The following UGT1A9 variants were observed in gnomAD, a reference collection of about 807,000 sequenced individuals.
UGT1A9 encodes UDP glucuronosyltransferase family 1 member A9.
Under a neutral mutation model 45.0 loss-of-function variants are expected in UGT1A9, and 35 were observed. The observed-to-expected ratio is 0.78, with a 90% CI of 0.59 to 1.03. The LOEUF is 1.03. UGT1A9 is among the 50% of genes least tolerant of loss of function. The pLI is 0.00. For missense variants in UGT1A9, 687 were observed against 666.6 expected (o/e 1.03, Z -0.34); for synonymous variants, 278 against 250.6 (o/e 1.11, Z -1.03).
chr2:233,743,344 G>C, intron 1 of UGT1A9: 1 of 880,632 alleles, frequency 1.1e-6, no homozygotes, highest in South Asian at 1.4e-5. Context: ...AGTGGAAGTC[G>C]ACATGGACTT....
intron 1 of UGT1A9, among the ~76,000 whole-genome samples, chr2:233,707,990 C>A (rs1350319093): frequency 6.6e-6 from 1 of 152,182 alleles, no homozygotes; most frequent in Non-Finnish European, 1.5e-5. Flanking sequence ...GGGTTGTCTA[C>A]TCGAATTATG....
intron 1 of UGT1A9, among the ~76,000 whole-genome samples, chr2:233,687,757 T>C (rs1463334802): frequency 6.6e-6 from 1 of 151,926 alleles, no homozygotes; most frequent in Non-Finnish European, 1.5e-5. Flanking sequence ...GTTTTAAAAA[T>C]TAGCTGGGCC....
At chr2:233,678,506 C>A (rs892905431) in intron 1 of UGT1A9, among the ~76,000 whole-genome samples, 1 of 152,070 alleles carries the variant, frequency 6.6e-6, no homozygotes, top group Admixed American at 6.6e-5. Flanking sequence ...GGAAATACAT[C>A]ATAATTACTG....
At chr2:233,753,211 T>A (rs964244574) in intron 1 of UGT1A9, 3 of 152,210 alleles carry the variant, frequency 2.0e-5, no homozygotes, top group African/African-American at 4.8e-5. Flanking sequence ...CAGTCTGTCT[T>A]ATTTTGATAC....
chr2:233,765,405 A>G (rs568434598), intron 1 of UGT1A9, among the ~76,000 whole-genome samples: 1 of 152,328 alleles, frequency 6.6e-6, no homozygotes, highest in South Asian at 2.1e-4. Context: ...GTACATATAC[A>G]CCATGGAATA....
chr2:233,717,045 C>T (rs1187354283), intron 1 of UGT1A9, among the ~76,000 whole-genome samples: 1 of 152,150 alleles, frequency 6.6e-6, no homozygotes, highest in Non-Finnish European at 1.5e-5. Flanking sequence ...ACATGGGCCT[C>T]CGCAGGGTCT....
At chr2:233,763,882 A>G (rs1279865944) in intron 1 of UGT1A9, among the ~76,000 whole-genome samples, 1 of 152,208 alleles carries the variant, frequency 6.6e-6, no homozygotes, top group Non-Finnish European at 1.5e-5. Flanking sequence ...GGTCTGAGAA[A>G]AATAACTAAA....
rs542057655 is a variant in UGT1A9 at position 233,743,464 on chromosome 2, C to G, written c.856-23570C>G. The G allele has an allele frequency of 3.7e-5, 50 of 1,366,536 alleles. No individual in the cohort carries two copies. The South Asian group carries it at 5.6e-4, about 15-fold the overall frequency. The allele number at this position is 1,366,536 out of a possible 1,614,324, so 84.7% of individuals were successfully genotyped here. A position where few individuals can be genotyped will look rare whatever the true frequency, so the allele number is the denominator to read the frequency against. On this transcript the variant is annotated intron_variant, in intron 1 of 4. Coordinates refer to ENST00000354728, the MANE Select transcript of UGT1A9 (RefSeq NM_021027.3). ...TGTATCAAAAGAAGAAAAAACACCC[C>G]CAAAAGCTGGAAATTCACTGAAGGC...
intron 1 of UGT1A9, among the ~76,000 whole-genome samples, chr2:233,709,124 G>A (rs1026369673): frequency 6.6e-6 from 1 of 152,064 alleles, no homozygotes; most frequent in Admixed American, 6.5e-5. Flanking sequence ...TAATCATGGT[G>A]GCCAAGGGGA....
In UGT1A9 at chr2:233,714,646, G is replaced by T. The variant is rs2076402815; in HGVS notation, c.855+41857G>T. On this transcript the variant is annotated intron_variant, in intron 1 of 4. Transcript: ENST00000354728. ...AACCACTAAAATTAATGTGAATAAT[G>T]CATTTTATTTAACCAGATGTATCCC... 2.0e-5 allele frequency among the ~76,000 whole-genome samples: 3 copies of T among 152,178 alleles called. No individual in the cohort carries two copies. In the South Asian group the frequency reaches 6.2e-4, roughly 32 times the overall value.
chr2:233,725,057 C>T (rs1209231794), intron 1 of UGT1A9, among the ~76,000 whole-genome samples: 5 of 147,514 alleles, frequency 3.4e-5, no homozygotes, highest in East Asian at 4.2e-4. Flanking sequence ...CGTGGCGGCG[C>T]GCGCCTGCAA....
Position 233,680,786 on chromosome 2 carries a change from G to A in UGT1A9, c.855+7997G>A, listed in dbSNP as rs542991668. Among the ~76,000 whole-genome samples, 60 of 152,272 alleles carry A rather than the reference G, an allele frequency of 3.9e-4. 2 individuals are homozygous for A. The South Asian group carries it at 4.6e-3, about 12-fold the overall frequency. The stretch of plus-strand genomic sequence containing the variant: ...GAAGATGAGCACCAAAGTGATTGGG[G>A]TGGGCCCATAGCAAAGGCCTGCAGC... On this transcript the variant is annotated intron_variant, in intron 1 of 4. Coordinates refer to ENST00000354728, the MANE Select transcript of UGT1A9 (RefSeq NM_021027.3).
intron 1 of UGT1A9, among the ~76,000 whole-genome samples, chr2:233,718,559 T>C (rs2076663829): frequency 6.6e-6 from 1 of 152,220 alleles, no homozygotes; most frequent in South Asian, 2.1e-4. Flanking sequence ...AAAGAAGAGC[T>C]TGAACTTGGA....
Position 233,768,202 on chromosome 2 carries a change from C to A in UGT1A9, c.1076-18C>A. 6.2e-7 allele frequency: 1 copy of A among 1,614,156 alleles called. No individual in the cohort carries two copies. On this transcript the variant is annotated intron_variant, in intron 3 of 4. Transcript: ENST00000354728. ...TCAGAGATGTAACTGCTGACATCCT[C>A]CCTATTTTGCATCTCAGGTCACCCG...
At chr2:233,747,573 T>C (rs1169792054) in intron 1 of UGT1A9, 7 of 1,587,232 alleles carry the variant, frequency 4.4e-6, no homozygotes, top group African/African-American at 1.4e-5. Flanking sequence ...GAAAAATTCA[T>C]CTTTGGTCTT....
rs574132609 is a variant in UGT1A9, at chr2:233,741,478, G to A, written c.856-25556G>A. The A allele has an allele frequency of 8.6e-5, 13 of 151,780 alleles. 2 individuals carry two copies. Among genetic ancestry groups the A allele is most frequent in the African/African-American group, 2.4e-4 (10 of 41,054 alleles). The allele number at this position is 151,780 out of a possible 1,614,324, so 9.4% of individuals were successfully genotyped here. A position where few individuals can be genotyped will look rare whatever the true frequency, so the allele number is the denominator to read the frequency against. ...TATCTTCACACATGTAAGTTCCCTCGTCTGATGTACAAAAAACTGAACTCA... is the reference window on the plus strand; with the variant it reads ...TATCTTCACACATGTAAGTTCCCTCATCTGATGTACAAAAAACTGAACTCA... On this transcript the variant is annotated intron_variant, in intron 1 of 4. Transcript: ENST00000354728.
At chr2:233,721,654 G>T in intron 1 of UGT1A9, 1 of 220,052 alleles carries the variant, frequency 4.5e-6, no homozygotes, top group Non-Finnish European at 9.3e-6. Context: ...GCAGTGGGGG[G>T]TCATGTAAGG....
intron 1 of UGT1A9, among the ~76,000 whole-genome samples, chr2:233,745,069 T>C (rs1371401376): frequency 2.0e-5 from 3 of 151,904 alleles, no homozygotes; most frequent in African/African-American, 7.3e-5. Flanking sequence ...ATTATTTGTA[T>C]TGTTTTTTCA....
chr2:233,682,376 C>T (rs775782205), intron 1 of UGT1A9: 1 of 1,613,978 alleles, frequency 6.2e-7, no homozygotes, highest in East Asian at 2.2e-5. Flanking sequence ...TGCAGTGTTT[C>T]TCGATCCTTT....
Sources: gnomAD v4.1 joint callset for allele counts (sites outside exome capture counted in the v4.1 genomes callset) on GRCh38, gnomAD v4.1.1 for gene constraint, MANE v1.5 for transcripts, NCBI Gene and HGNC (gene_info 2026-07-23, HGNC 2026-07-21) for gene names.